The following SPAG16 variants were observed in gnomAD, a reference collection of about 807,000 sequenced individuals.
SPAG16 encodes sperm associated antigen 16.
Under a neutral mutation model 80.4 loss-of-function variants are expected in SPAG16, and 86 were observed. The observed-to-expected ratio is 1.07, with a 90% CI of 0.90 to 1.28. The LOEUF is 1.28. Among genes scored for constraint, SPAG16 ranks in the 50% most tolerant of loss-of-function variants. The pLI is 0.00. For synonymous variants in SPAG16, 294 were observed against 265.9 expected (o/e 1.11, Z -1.03); for missense variants, 870 against 765.3 (o/e 1.14, Z -1.61).
At chr2:214,199,779 G>A (rs2057956200) in intron 15 of SPAG16, among the ~76,000 whole-genome samples, 1 of 152,100 alleles carries the variant, frequency 6.6e-6, no homozygotes, top group African/African-American at 2.4e-5. Context: ...ATTTCTTTGA[G>A]TAGCGTTTTG....
At chr2:213,813,653 T>C (rs1183671957) in intron 10 of SPAG16, among the ~76,000 whole-genome samples, 1 of 152,150 alleles carries the variant, frequency 6.6e-6, no homozygotes, top group African/African-American at 2.4e-5. Flanking sequence ...CATGCCCAGT[T>C]CAGATTCCTG....
At chr2:213,468,452 TATATATATCTCTATGTATTTATATATAG>T (rs1405998822) in intron 9 of SPAG16, among the ~76,000 whole-genome samples, 6,491 of 138,368 alleles carry the variant, frequency 0.047, 586 homozygotes, top group African/African-American at 0.17. Context: ...TATATATAGA[TATATATATCTCTATGTATTTATATATAG>T]ATATATATAT....
At chr2:214,039,514 A>G (rs956095349) in intron 13 of SPAG16, among the ~76,000 whole-genome samples, 6 of 152,206 alleles carry the variant, frequency 3.9e-5, no homozygotes, top group African/African-American at 1.4e-4. Context: ...TGAACAGGCA[A>G]CCTACAGAAT....
chr2:213,620,962 G>A (rs2061760416), intron 10 of SPAG16, among the ~76,000 whole-genome samples: 1 of 152,080 alleles, frequency 6.6e-6, no homozygotes, highest in South Asian at 2.1e-4. Flanking sequence ...CTGGACAATT[G>A]AAAAATATCA....
At chr2:213,424,989 C>T (rs2069820758) in intron 9 of SPAG16, among the ~76,000 whole-genome samples, 1 of 152,024 alleles carries the variant, frequency 6.6e-6, no homozygotes, top group Admixed American at 6.6e-5. Flanking sequence ...GTGTTTTTGT[C>T]AGGAATAAGG....
chr2:214,059,196 A>ATGTATGTG (rs1237698350), intron 13 of SPAG16, among the ~76,000 whole-genome samples: 5 of 30,312 alleles, frequency 1.6e-4, no homozygotes, highest in African/African-American at 5.3e-4. Flanking sequence ...CTATATATAT[A>ATGTATGTG]TATATATATA....
chr2:214,179,705 G>A (rs2057248112), intron 15 of SPAG16, among the ~76,000 whole-genome samples: 1 of 151,338 alleles, frequency 6.6e-6, no homozygotes, highest in Admixed American at 6.6e-5. Context: ...GGCTACAGGA[G>A]GCTTTCTTGT....
At chr2:213,440,385 TA>T (rs148974163) in intron 9 of SPAG16, among the ~76,000 whole-genome samples, 8 of 149,010 alleles carry the variant, frequency 5.4e-5, no homozygotes, top group South Asian at 2.1e-4. Context: ...TAGTCTCTAC[TA>T]AAAAAAAAAT....
intron 10 of SPAG16, among the ~76,000 whole-genome samples, chr2:213,582,517 T>C (rs991425504): frequency 6.6e-6 from 1 of 152,024 alleles, no homozygotes; most frequent in East Asian, 1.9e-4. Context: ...TGATTAGAGA[T>C]TGGGGCAAGA....
intron 15 of SPAG16, among the ~76,000 whole-genome samples, chr2:214,313,245 A>G (rs2125982068): frequency 6.6e-6 from 1 of 152,242 alleles, no homozygotes. Context: ...CAATGCTGCA[A>G]TATATACTAA....
At chr2:213,736,735 A>G (rs185051206) in intron 10 of SPAG16, among the ~76,000 whole-genome samples, 11 of 139,080 alleles carry the variant, frequency 7.9e-5, no homozygotes, top group Middle Eastern at 7.8e-3. Context: ...ACAGAGTTTC[A>G]CTTTTGTTCC....
rs189037038 is a variant in SPAG16 at position 213,506,089 on chromosome 2, T to A, written c.1070+15999T>A. Among the ~76,000 whole-genome samples the A allele has an allele frequency of 1.7e-3, 257 of 152,198 alleles. 1 individual carries two copies. The highest frequency in any genetic ancestry group is 5.8e-3 in the African/African-American group (241 of 41,558). ...TTATGGATACAATATATTTCTGGGG[T>A]TAAGTTACCTTCTAGAATTAAACTA... On this transcript the variant is annotated intron_variant, in intron 10 of 15. Transcript: ENST00000331683.
intron 12 of SPAG16, among the ~76,000 whole-genome samples, chr2:213,966,188 T>G (rs963876362): frequency 2.0e-5 from 3 of 152,176 alleles, no homozygotes; most frequent in African/African-American, 7.2e-5. Context: ...TTGGTTGTAC[T>G]TGGACAGAGT....
chr2:214,002,752 G>A (rs954252341), intron 12 of SPAG16, among the ~76,000 whole-genome samples: 1 of 152,190 alleles, frequency 6.6e-6, no homozygotes, highest in Non-Finnish European at 1.5e-5. Context: ...ATTGAGCAAA[G>A]AGCAAACTCA....
At chr2:213,586,806 AAACATTGAAGAAG>A (rs1406391755) in intron 10 of SPAG16, among the ~76,000 whole-genome samples, 1 of 152,210 alleles carries the variant, frequency 6.6e-6, no homozygotes, top group African/African-American at 2.4e-5. Context: ...TAGAAGGGAG[AAACATTGAAGAAG>A]AACTGGGGCA....
intron 14 of SPAG16, among the ~76,000 whole-genome samples, chr2:214,112,750 A>G (rs898245549): frequency 5.3e-5 from 8 of 151,138 alleles, no homozygotes; most frequent in African/African-American, 1.9e-4. Flanking sequence ...AATACAGCAC[A>G]CTGATGGCTC....
intron 10 of SPAG16, among the ~76,000 whole-genome samples, chr2:213,527,590 T>C (rs543833343): frequency 6.6e-6 from 1 of 152,280 alleles, no homozygotes; most frequent in East Asian, 1.9e-4. Flanking sequence ...ATGTCAGGAA[T>C]AGCACAAAAT....
At chr2:213,883,840 T>C (rs1465426897) in intron 11 of SPAG16, among the ~76,000 whole-genome samples, 1 of 152,166 alleles carries the variant, frequency 6.6e-6, no homozygotes, top group African/African-American at 2.4e-5. Flanking sequence ...ACTCCTGTAC[T>C]TTTATGCTTT....
rs1382112812 is a variant in SPAG16 at position 213,297,785 on chromosome 2, G to A, written c.279+428G>A. ...CTTGTGAGGCTTATGAACTAATTAT[G>A]TTAAGGAATGTGGTGGGGGATGTTT... On this transcript the variant is annotated intron_variant, in intron 3 of 15. Coordinates refer to ENST00000331683, the MANE Select transcript of SPAG16 (RefSeq NM_024532.5). Among the ~76,000 whole-genome samples, 7 of 152,088 alleles carry A rather than the reference G, an allele frequency of 4.6e-5. No individual in the cohort carries two copies. The East Asian group carries it at 1.2e-3, about 25-fold the overall frequency.
Sources: gnomAD v4.1 joint callset for allele counts (sites outside exome capture counted in the v4.1 genomes callset) on GRCh38, gnomAD v4.1.1 for gene constraint, MANE v1.5 for transcripts, NCBI Gene and HGNC (gene_info 2026-07-23, HGNC 2026-07-21) for gene names.